Variants in TRAPPC8 observed in about 807,000 individuals in gnomAD.
TRAPPC8 encodes the protein general sporulation gene 1 homolog.
Under a neutral mutation model 174.3 loss-of-function variants are expected in TRAPPC8, and 54 were observed. That is an observed-to-expected ratio of 0.31 (90% CI 0.25 to 0.39). The LOEUF (loss-of-function observed/expected upper bound fraction) is 0.39. TRAPPC8 is among the 10% of genes least tolerant of loss of function. The pLI is 1.00. For synonymous variants in TRAPPC8, 630 were observed against 579.9 expected (o/e 1.09, Z -1.24); for missense variants, 1,531 against 1,699.1 (o/e 0.90, Z 1.74).
intron 9 of TRAPPC8, among the ~76,000 whole-genome samples, chr18:31,905,164 T>C (rs972191577): frequency 6.6e-6 from 1 of 152,340 alleles, no homozygotes; most frequent in East Asian, 1.9e-4. Flanking sequence ...TCTATTCTAC[T>C]ACAACACATT....
At chr18:31,835,794 A>C (rs1209551890) in intron 27 of TRAPPC8, among the ~76,000 whole-genome samples, 1 of 152,218 alleles carries the variant, frequency 6.6e-6, no homozygotes, top group Non-Finnish European at 1.5e-5. Context: ...TTGGTCAATG[A>C]AATATTAACA....
chr18:31,886,212 T>C (rs982169272), intron 12 of TRAPPC8, among the ~76,000 whole-genome samples: 1 of 151,856 alleles, frequency 6.6e-6, no homozygotes, highest in African/African-American at 2.4e-5. Context: ...TTTCTCCATG[T>C]TGGTCAGACT....
intron 5 of TRAPPC8, among the ~76,000 whole-genome samples, chr18:31,909,994 ATTC>A (rs1234239601): frequency 1.3e-5 from 2 of 152,120 alleles, no homozygotes; most frequent in African/African-American, 2.4e-5. Context: ...TACTATCCTA[ATTC>A]TTCTTAATTC....
rs186924188 is a variant in TRAPPC8 at position 31,914,261 on chromosome 18, C to T, written c.618-739G>A. ...TAGCAAACAACAAAATGATATTACG[C>T]ACTAAAAAATTATGGCTGGATAAGT... On this transcript the variant is annotated intron_variant, in intron 4 of 28. Coordinates refer to ENST00000283351, the MANE Select transcript of TRAPPC8 (RefSeq NM_014939.5). Among the ~76,000 whole-genome samples the T allele has an allele frequency of 1.7e-3, 255 of 150,508 alleles. 1 individual carries two copies. Among genetic ancestry groups the T allele is most frequent in the African/African-American group, 5.0e-3 (207 of 41,080 alleles).
chr18:31,915,465 A>G (rs1275026113), intron 4 of TRAPPC8, among the ~76,000 whole-genome samples: 4 of 118,068 alleles, frequency 3.4e-5, no homozygotes, highest in Admixed American at 8.0e-5. Flanking sequence ...CCCATCAAAA[A>G]AAAAGGGGGG....
chr18:31,865,454 G>C (rs1465768968), intron 18 of TRAPPC8, among the ~76,000 whole-genome samples: 1 of 151,970 alleles, frequency 6.6e-6, no homozygotes, highest in Admixed American at 6.6e-5. Flanking sequence ...TCTCAAGCCA[G>C]ATATAAAATG....
intron 12 of TRAPPC8, among the ~76,000 whole-genome samples, chr18:31,884,071 C>A (rs933871828): frequency 1.3e-5 from 2 of 152,134 alleles, no homozygotes; most frequent in Non-Finnish European, 2.9e-5. Context: ...CACCTGTAAT[C>A]CCAGCTACTC....
intron 12 of TRAPPC8, among the ~76,000 whole-genome samples, chr18:31,884,137 C>T (rs1435276871): frequency 6.6e-6 from 1 of 152,060 alleles, no homozygotes; most frequent in Non-Finnish European, 1.5e-5. Context: ...TGCAATGAGC[C>T]GAGATGGAGC....
rs2032231829 is a variant in TRAPPC8 at position 31,829,299 on chromosome 18, T to C, written c.*1456A>G. 1 of 152,216 alleles carries C rather than the reference T, an allele frequency of 6.6e-6. No homozygotes were observed. The highest frequency in any genetic ancestry group is 2.1e-4 in the South Asian group (1 of 4,828). The allele number at this position is 152,216 out of a possible 1,614,324, so 9.4% of individuals were successfully genotyped here. Reference sequence around the variant, plus strand: ...GTTTAACAATCGGTTCAATTTAATATTCAGCTGAGTGGTTTAAATATGAGA... The same window carrying C: ...GTTTAACAATCGGTTCAATTTAATACTCAGCTGAGTGGTTTAAATATGAGA... On this transcript the variant is annotated 3_prime_UTR_variant, in exon 29 of 29. Coordinates refer to ENST00000283351, the MANE Select transcript of TRAPPC8 (RefSeq NM_014939.5).
chr18:31,933,695 G>C (rs556844753), intron 1 of TRAPPC8, among the ~76,000 whole-genome samples: 55 of 152,082 alleles, frequency 3.6e-4, no homozygotes, highest in African/African-American at 9.9e-4. Flanking sequence ...CTTCTCAATG[G>C]AAAATGCCTT....
chr18:31,858,239 C>T (rs1383504965), intron 19 of TRAPPC8, among the ~76,000 whole-genome samples: 1 of 92,016 alleles, frequency 1.1e-5, no homozygotes, highest in East Asian at 2.8e-4. Flanking sequence ...CACAAGAGGG[C>T]TAACATGTCA....
chr18:31,930,350 C>T (rs916300593), intron 2 of TRAPPC8, among the ~76,000 whole-genome samples: 3 of 151,944 alleles, frequency 2.0e-5, no homozygotes, highest in Non-Finnish European at 4.4e-5. Context: ...GAACTCCTGA[C>T]CTCAAGTGAT....
At chr18:31,871,661 G>A (rs2034869579) in intron 14 of TRAPPC8, among the ~76,000 whole-genome samples, 1 of 152,030 alleles carries the variant, frequency 6.6e-6, no homozygotes, top group East Asian at 1.9e-4. Context: ...TAGTTTTTAT[G>A]TTTGAAACTT....
At position 31,913,354 on chromosome 18, in the gene TRAPPC8, ATTT is replaced by A; in HGVS notation, c.771+12_771+14del. The A allele has an allele frequency of 6.4e-7, 1 of 1,554,190 alleles. No individual in the cohort carries two copies. The highest frequency in any genetic ancestry group is 8.6e-7 in the Non-Finnish European group (1 of 1,157,378). Reference sequence around the variant, plus strand: ...ATCGTTTTTGTGGTTTGCTTCATTTATTTTTTACATATACCTGGTTTTGAATAC... The same window carrying A: ...ATCGTTTTTGTGGTTTGCTTCATTTATTTACATATACCTGGTTTTGAATAC... On this transcript the variant is annotated intron_variant, in intron 5 of 28. Transcript: ENST00000283351.
chr18:31,867,597 T>TAATGATACGCCG, intron 16 of TRAPPC8, 121 bp from the exon 17 acceptor site: 4 of 641,072 alleles, frequency 6.2e-6, no homozygotes, highest in South Asian at 2.4e-5. Flanking sequence ...ACTTGGTTTT[T>TAATGATACGCCG]ACCACATGCT....
intron 12 of TRAPPC8, among the ~76,000 whole-genome samples, chr18:31,882,081 A>AC: frequency 6.6e-6 from 1 of 152,330 alleles, no homozygotes; most frequent in Middle Eastern, 3.4e-3. Flanking sequence ...CTACCATTCA[A>AC]CCCAGTAATC....
chr18:31,896,576 TTA>T (rs1369894882), intron 11 of TRAPPC8, among the ~76,000 whole-genome samples: 13 of 152,136 alleles, frequency 8.5e-5, no homozygotes, highest in Non-Finnish European at 1.6e-4. Flanking sequence ...ATGGGTTTAT[TTA>T]TATGTTAATT....
chr18:31,908,674 A>T (rs2036769698), intron 7 of TRAPPC8, 80 bp downstream of exon 7: 7 of 1,370,594 alleles, frequency 5.1e-6, no homozygotes. Context: ...ATAAAACAAA[A>T]CTTCAAATAC....
At chr18:31,848,916 C>G (rs1011798477) in intron 25 of TRAPPC8, among the ~76,000 whole-genome samples, 2 of 152,036 alleles carry the variant, frequency 1.3e-5, no homozygotes, top group African/African-American at 4.8e-5. Flanking sequence ...TCATTCTGGT[C>G]TGCCATGTGT....
Sources: gnomAD v4.1 joint callset for allele counts (sites outside exome capture counted in the v4.1 genomes callset) on GRCh38, gnomAD v4.1.1 for gene constraint, MANE v1.5 for transcripts, NCBI Gene and HGNC (gene_info 2026-07-23, HGNC 2026-07-21) for gene names.